The following CDKAL1 variants were observed in gnomAD, a reference collection of about 807,000 sequenced individuals.
CDKAL1 encodes the protein CDKAL1 threonylcarbamoyladenosine tRNA methylthiotransferase, also known as threonylcarbamoyladenosine tRNA methylthiotransferase.
A neutral mutation model predicts 68.2 loss-of-function variants in CDKAL1; 32 were observed. The observed-to-expected ratio is 0.47, with a 90% confidence interval of 0.35 to 0.63. The LOEUF (loss-of-function observed/expected upper bound fraction) is 0.63. Among genes scored for constraint, CDKAL1 ranks in the 30% least tolerant of loss-of-function variants. The pLI, the probability that CDKAL1 is intolerant of heterozygous loss-of-function variation, is 0.00. For missense variants in CDKAL1, 606 were observed against 696.7 expected, an observed-to-expected ratio of 0.87 and a Z score of 1.47; for synonymous variants, 234 against 244.3, an observed-to-expected ratio of 0.96 and a Z score of 0.39.
At chr6:20,822,908 T>A (rs939917033) in intron 8 of CDKAL1, among the ~76,000 whole-genome samples, 1 of 152,180 alleles carries the variant, frequency 6.6e-6, no homozygotes, top group Admixed American at 6.6e-5. Flanking sequence ...TTTATAGCCA[T>A]GTGAAAATGT....
At chr6:21,089,256 G>A (rs561815034) in intron 12 of CDKAL1, among the ~76,000 whole-genome samples, 1 of 152,162 alleles carries the variant, frequency 6.6e-6, no homozygotes, top group African/African-American at 2.4e-5. Flanking sequence ...TGGGAGGATT[G>A]CTTGAGCCCA....
chr6:20,973,505 G>C (rs1056976628), intron 10 of CDKAL1, among the ~76,000 whole-genome samples: 6 of 152,192 alleles, frequency 3.9e-5, no homozygotes, highest in African/African-American at 1.4e-4. Context: ...CAGTCACTGT[G>C]AACAGCAGTA....
intron 9 of CDKAL1, among the ~76,000 whole-genome samples, chr6:20,887,466 G>A (rs1013094212): frequency 6.6e-6 from 1 of 151,772 alleles, no homozygotes; most frequent in Non-Finnish European, 1.5e-5. Flanking sequence ...TCCACAAAAT[G>A]AACTATTATT....
chr6:21,167,181 A>G (rs185823583), intron 13 of CDKAL1, among the ~76,000 whole-genome samples: 126 of 152,334 alleles, frequency 8.3e-4, no homozygotes, highest in Non-Finnish European at 1.5e-3. Context: ...CTGTAGTTCT[A>G]ACAAATGTGC....
intron 12 of CDKAL1, among the ~76,000 whole-genome samples, chr6:21,105,300 A>T (rs928980672): frequency 5.3e-5 from 8 of 152,202 alleles, no homozygotes; most frequent in Non-Finnish European, 5.9e-5. Flanking sequence ...CTCCAGGGGA[A>T]GGGAGTGTTA....
At chr6:20,576,352 A>G (rs577553635) in intron 4 of CDKAL1, among the ~76,000 whole-genome samples, 4 of 152,068 alleles carry the variant, frequency 2.6e-5, no homozygotes, top group Non-Finnish European at 4.4e-5. Flanking sequence ...AATTTTGTCA[A>G]TTTTCTTTTT....
At chr6:20,779,705 C>T (rs1775330988) in intron 7 of CDKAL1, among the ~76,000 whole-genome samples, 1 of 152,208 alleles carries the variant, frequency 6.6e-6, no homozygotes, top group South Asian at 2.1e-4. Flanking sequence ...TTGTCTCACT[C>T]TCTCGAGTAG....
At chr6:21,107,464 G>A (rs919790312) in intron 12 of CDKAL1, among the ~76,000 whole-genome samples, 2 of 151,532 alleles carry the variant, frequency 1.3e-5, no homozygotes, top group African/African-American at 4.9e-5. Context: ...GTCTCCCTCT[G>A]TTGCCCAGGC....
chr6:20,899,257 G>A (rs545384750), intron 9 of CDKAL1, among the ~76,000 whole-genome samples: 1 of 151,850 alleles, frequency 6.6e-6, no homozygotes, highest in East Asian at 2.0e-4. Flanking sequence ...TAGAGACGGG[G>A]TTTCACCATG....
intron 4 of CDKAL1, among the ~76,000 whole-genome samples, chr6:20,640,264 C>T (rs565969880): frequency 6.6e-6 from 1 of 152,346 alleles, no homozygotes; most frequent in South Asian, 2.1e-4. Flanking sequence ...TATCAACCTC[C>T]ATACCCTCCT....
intron 5 of CDKAL1, among the ~76,000 whole-genome samples, chr6:20,692,250 T>A (rs1199903658): frequency 2.0e-5 from 3 of 152,192 alleles, no homozygotes; most frequent in Admixed American, 2.0e-4. Context: ...GTTAAACATG[T>A]CAAAATGACT....
intron 9 of CDKAL1, among the ~76,000 whole-genome samples, chr6:20,890,120 A>G (rs1172732408): frequency 1.3e-5 from 2 of 152,246 alleles, no homozygotes; most frequent in African/African-American, 4.8e-5. Flanking sequence ...AAAGAAAAAA[A>G]TAATCCTGAG....
chr6:20,548,563 A>AG, intron 3 of CDKAL1, 30 bp from the exon 4 acceptor site: 2 of 958,764 alleles, frequency 2.1e-6, no homozygotes, highest in Non-Finnish European at 1.7e-6. Context: ...AATGAAACTT[A>AG]CTTTTTTTTT....
At chr6:21,230,799 C>T in intron 15 of CDKAL1, 49 bp from the exon 16 acceptor site, 1 of 1,433,100 alleles carries the variant, frequency 7.0e-7, no homozygotes, top group Non-Finnish European at 9.5e-7. Context: ...CACAACAGGG[C>T]TTTCTCTGCA....
chr6:20,784,853 A>G (rs1469626410), intron 8 of CDKAL1, among the ~76,000 whole-genome samples: 1 of 152,200 alleles, frequency 6.6e-6, no homozygotes, highest in African/African-American at 2.4e-5. Context: ...GTTGCTGTAC[A>G]TTAATTAAAA....
At chr6:21,097,501 A>G (rs1446877661) in intron 12 of CDKAL1, among the ~76,000 whole-genome samples, 3 of 152,134 alleles carry the variant, frequency 2.0e-5, no homozygotes, top group Non-Finnish European at 4.4e-5. Flanking sequence ...TACAAAAAAA[A>G]AAAAACCTAG....
chr6:20,627,388 T>G (rs760095941), intron 4 of CDKAL1, among the ~76,000 whole-genome samples: 4 of 152,212 alleles, frequency 2.6e-5, no homozygotes, highest in Non-Finnish European at 5.9e-5. Context: ...ATATTGAAGA[T>G]TTCCTGTTGT....
At chr6:20,792,293 G>T (rs1211265461) in intron 8 of CDKAL1, among the ~76,000 whole-genome samples, 2 of 152,032 alleles carry the variant, frequency 1.3e-5, no homozygotes, top group Non-Finnish European at 2.9e-5. Context: ...CTATTTTTTG[G>T]TAAATCCACT....
At position 21,161,725 on chromosome 6, in the gene CDKAL1, C is replaced by T. The variant is rs1050610358; in HGVS notation, c.1300-36296C>T. 2.6e-5 allele frequency among the ~76,000 whole-genome samples: 4 copies of T among 152,192 alleles called. No individual in the cohort carries two copies. In the South Asian group the frequency reaches 6.2e-4, roughly 24 times the overall value. ...AGCTAACATATAAACTCTGCTTCTG[C>T]ATGGCTTCTTTTATGGGCTTGGAGT... On this transcript the variant is annotated intron_variant, in intron 13 of 15. Transcript: ENST00000274695.
Sources: allele counts gnomAD v4.1 joint callset (sites outside exome capture counted in the v4.1 genomes callset), GRCh38; gene constraint gnomAD v4.1.1; transcripts MANE v1.5; gene names NCBI Gene and HGNC (gene_info 2026-07-23, HGNC 2026-07-21).